The following TIAM2 variants were observed in gnomAD, a reference collection of about 807,000 sequenced individuals.
TIAM2 encodes rho guanine nucleotide exchange factor TIAM2.
A neutral mutation model predicts 152.9 loss-of-function variants in TIAM2; 80 were observed. The observed-to-expected ratio is 0.52, with a 90% CI of 0.44 to 0.63. The LOEUF is 0.63. Among genes scored for constraint, TIAM2 ranks in the 30% least tolerant of loss-of-function variants. The probability of loss-of-function intolerance (pLI) is 0.00; values close to 1 mark genes in which losing one functional copy is unlikely to be tolerated. For synonymous variants in TIAM2, 804 were observed against 838.0 expected (o/e 0.96, Z 0.70); for missense variants, 1,965 against 2,120.1 (o/e 0.93, Z 1.44).
At chr6:155,163,383 T>A (rs1165966181) in intron 7 of TIAM2, among the ~76,000 whole-genome samples, 1 of 152,232 alleles carries the variant, frequency 6.6e-6, no homozygotes, top group African/African-American at 2.4e-5. Context: ...TAATAACTTA[T>A]CTTTGCATGA....
chr6:155,103,852 T>C (rs1778604394), intron 2 of TIAM2, among the ~76,000 whole-genome samples: 1 of 152,002 alleles, frequency 6.6e-6, no homozygotes, highest in Admixed American at 6.6e-5. Context: ...TCCTGCACAA[T>C]TTTTCTTCCC....
At chr6:155,072,649 G>A (rs1474860099) in intron 1 of TIAM2, among the ~76,000 whole-genome samples, 1 of 152,172 alleles carries the variant, frequency 6.6e-6, no homozygotes, top group Non-Finnish European at 1.5e-5. Flanking sequence ...AGGTGGGTAA[G>A]TGGGTCTGGA....
rs374913834 is a variant in TIAM2, at chr6:155,066,819, G to A, written c.-208-23470G>A. Among the ~76,000 whole-genome samples, 274 of 151,982 alleles carry A rather than the reference G, an allele frequency of 1.8e-3. 1 individual carries two copies. Among genetic ancestry groups the A allele is most frequent in the African/African-American group, 6.2e-3 (257 of 41,444 alleles). ...CGCCCAGGCTGGAGTGCAGTGGTGC[G>A]ATCTTGGCTCACTGCAACCTCTGCC... On this transcript the variant is annotated intron_variant, in intron 1 of 26. Coordinates refer to ENST00000682666, the MANE Select transcript of TIAM2 (RefSeq NM_012454.4).
intron 21 of TIAM2, 97 bp from the exon 22 acceptor site, chr6:155,250,816 G>T: frequency 7.6e-7 from 1 of 1,317,352 alleles, no homozygotes. Flanking sequence ...AGCTGTGCTT[G>T]CATTTTAGCA....
chr6:155,141,001 AT>A (rs1562329815), intron 5 of TIAM2, among the ~76,000 whole-genome samples: 1 of 152,138 alleles, frequency 6.6e-6, no homozygotes, highest in African/African-American at 2.4e-5. Context: ...AGCTTCCTGT[AT>A]TTTATCCCAA....
intron 15 of TIAM2, among the ~76,000 whole-genome samples, chr6:155,212,072 A>G (rs1036493891): frequency 2.0e-5 from 3 of 152,188 alleles, no homozygotes; most frequent in Non-Finnish European, 4.4e-5. Context: ...GCTGAGTAAT[A>G]TTCCATTATA....
Position 155,257,155 on chromosome 6 carries a change from A to G in TIAM2, c.*34A>G, listed in dbSNP as rs111906678. Reference sequence around the variant, plus strand: ...AATCCAGATATGGGTTAAATTCCTCATTTTACTTTTAAACTGGTGGTAAAG... The same window carrying G: ...AATCCAGATATGGGTTAAATTCCTCGTTTTACTTTTAAACTGGTGGTAAAG... On this transcript the variant is annotated 3_prime_UTR_variant, in exon 27 of 27. Coordinates refer to ENST00000682666, the MANE Select transcript of TIAM2 (RefSeq NM_012454.4). 6.8e-7 allele frequency: 1 copy of G among 1,479,580 alleles called. No homozygotes were observed. Among genetic ancestry groups the G allele is most frequent in the African/African-American group, 1.5e-5 (1 of 67,818 alleles). 91.7% of individuals were successfully genotyped at this position (1,479,580 alleles called of 1,614,324 possible).
intron 9 of TIAM2, among the ~76,000 whole-genome samples, chr6:155,170,238 G>A (rs1011640671): frequency 8.8e-6 from 1 of 113,518 alleles, no homozygotes; most frequent in African/African-American, 3.6e-5. Context: ...ATTAGATGTA[G>A]TCATTTAATG....
At chr6:155,066,800 G>C (rs555779366) in intron 1 of TIAM2, among the ~76,000 whole-genome samples, 137 of 152,184 alleles carry the variant, frequency 9.0e-4, no homozygotes, top group African/African-American at 3.0e-3. Context: ...CTGTCGCCCA[G>C]GCTGGAGTGC....
At chr6:155,097,735 C>T (rs1008750586) in intron 2 of TIAM2, among the ~76,000 whole-genome samples, 2 of 152,182 alleles carry the variant, frequency 1.3e-5, no homozygotes, top group Non-Finnish European at 2.9e-5. Context: ...ATTGCCCAGA[C>T]CAATGTCCTG....
intron 15 of TIAM2, among the ~76,000 whole-genome samples, chr6:155,238,628 A>C (rs1782885811): frequency 6.6e-6 from 1 of 152,190 alleles, no homozygotes; most frequent in Non-Finnish European, 1.5e-5. Context: ...TCTCCCTTGG[A>C]GCAGGCTCCC....
At chr6:155,025,493 T>G (rs1483091100) in intron 1 of TIAM2, among the ~76,000 whole-genome samples, 1 of 151,924 alleles carries the variant, frequency 6.6e-6, no homozygotes, top group African/African-American at 2.4e-5. Context: ...ATTTTTGTAT[T>G]TTTTTAGTAG....
At chr6:155,118,682 G>A (rs1029277469) in intron 2 of TIAM2, among the ~76,000 whole-genome samples, 2 of 151,968 alleles carry the variant, frequency 1.3e-5, no homozygotes, top group African/African-American at 4.8e-5. Context: ...TGATCTGCCT[G>A]CCTTGGCCTC....
intron 15 of TIAM2, among the ~76,000 whole-genome samples, chr6:155,226,633 C>T (rs1175971459): frequency 2.0e-5 from 3 of 148,062 alleles, no homozygotes; most frequent in Non-Finnish European, 4.4e-5. Flanking sequence ...CCACTGCACT[C>T]CAGCCTGAGC....
intron 18 of TIAM2, 45 bp downstream of exon 18, chr6:155,244,828 G>C: frequency 6.4e-7 from 1 of 1,561,690 alleles, no homozygotes; most frequent in Non-Finnish European, 8.7e-7. Flanking sequence ...ACGTGGCTAT[G>C]GTACGTATTT....
rs148322487 is a variant in TIAM2, at chr6:155,115,857, G to T, written c.-117-11633G>T. On this transcript the variant is annotated intron_variant, in intron 2 of 26. Transcript: ENST00000682666. ...GGATTGGTCAGGCGTGGTGGCTCAC[G>T]CCTGTAATCTATGGGAGGCCGAGGT... is the stretch of plus-strand genomic sequence containing the variant. 4.7e-3 allele frequency among the ~76,000 whole-genome samples: 715 copies of T among 152,304 alleles called. 16 individuals carry two copies. Among genetic ancestry groups the T allele is most frequent in the East Asian group, 0.018 (94 of 5,172 alleles).
rs769741331 is a variant in TIAM2, at chr6:155,249,829, AAT to A, written c.3833-19_3833-18del. Reference sequence around the variant, plus strand: ...TAAAACAAATAACAGTTATGAAATAAATATGATTTCATATCTTGCAGAAGCAC... The same window carrying A: ...TAAAACAAATAACAGTTATGAAATAAATGATTTCATATCTTGCAGAAGCAC... On this transcript the variant is annotated intron_variant, in intron 20 of 26. Coordinates refer to ENST00000682666, the MANE Select transcript of TIAM2 (RefSeq NM_012454.4). The A allele has an allele frequency of 1.9e-6, 3 of 1,578,804 alleles. No individual in the cohort carries two copies.
At chr6:155,255,363 ATTT>A (rs1783933598) in intron 26 of TIAM2, 1 of 152,168 alleles carries the variant, frequency 6.6e-6, no homozygotes, top group Non-Finnish European at 1.5e-5. Context: ...TGTTTCTAAA[ATTT>A]CAGCTTAAGT....
chr6:155,254,270 T>C, intron 25 of TIAM2, 149 bp from the exon 26 acceptor site: 2 of 1,077,492 alleles, frequency 1.9e-6, no homozygotes, highest in Non-Finnish European at 1.3e-6. Context: ...CACCTCCTTC[T>C]GTACGGGAGG....
Sources: allele counts gnomAD v4.1 joint callset (sites outside exome capture counted in the v4.1 genomes callset), GRCh38; gene constraint gnomAD v4.1.1; transcripts MANE v1.5; gene names NCBI Gene and HGNC (gene_info 2026-07-23, HGNC 2026-07-21).